VSIG1: variants seen among roughly 807,000 people sequenced by gnomAD.
The protein encoded by VSIG1 is V-set and immunoglobulin domain containing 1.
Under a neutral mutation model 20.1 loss-of-function variants are expected in VSIG1, and 11 were observed. The ratio of observed to expected loss-of-function variants is 0.55; its 90% CI spans 0.34 to 0.91. The LOEUF is 0.91. Ranked by LOEUF, VSIG1 falls within the 40% of genes least tolerant of loss-of-function variation. The pLI, the probability that VSIG1 is intolerant of heterozygous loss-of-function variation, is 0.02. For missense variants in VSIG1, 283 were observed against 298.8 expected (o/e 0.95, Z 0.39); for synonymous variants, 126 against 116.7 (o/e 1.08, Z -0.52).
the VSIG1 span, among the ~76,000 whole-genome samples, chrX:108,023,233 C>T: frequency 9.0e-6 from 1 of 111,371 alleles, no homozygotes; most frequent in Non-Finnish European, 1.9e-5. Context: ...ATCATGTGCC[C>T]CCTCTTTAGT....
At chrX:108,040,015 C>T (rs1305646442), upstream of VSIG1, among the ~76,000 whole-genome samples, 6 of 110,331 alleles carry the variant, frequency 5.4e-5, no homozygotes, top group African/African-American at 2.0e-4. Flanking sequence ...TCAGAAGCTG[C>T]AAAGAAAAAA....
the VSIG1 span, among the ~76,000 whole-genome samples, chrX:108,022,994 G>A: frequency 8.9e-6 from 1 of 112,158 alleles, no homozygotes. Flanking sequence ...ACCAGAAGTA[G>A]ATGATAGTGC....
At chrX:108,071,452 A>T (rs934746047) in intron 3 of VSIG1, among the ~76,000 whole-genome samples, 7 of 111,902 alleles carry the variant, frequency 6.3e-5, no homozygotes, top group Admixed American at 5.7e-4. Context: ...TGTAAGATAG[A>T]ATAAACCGTG....
chrX:108,069,542 G>A (rs1247098087), intron 3 of VSIG1, among the ~76,000 whole-genome samples: 2 of 111,340 alleles, frequency 1.8e-5, no homozygotes, highest in East Asian at 5.6e-4. Flanking sequence ...GGGACAGGTG[G>A]GTAAGAGAGA....
intron 3 of VSIG1, among the ~76,000 whole-genome samples, chrX:108,071,423 T>C (rs1325068853): frequency 8.9e-6 from 1 of 111,815 alleles, no homozygotes; most frequent in African/African-American, 3.2e-5. Context: ...ATATGATAGA[T>C]ATATAAATGT....
chrX:108,073,560 G>C, intron 5 of VSIG1, 191 bp downstream of exon 5: 1 of 460,038 alleles, frequency 2.2e-6, no homozygotes, highest in Non-Finnish European at 3.4e-6. Context: ...TATGCCATAT[G>C]CTGCCCTAAA....
chrX:108,047,799 T>TATATATATACATATATATATATAC (rs2030624375), intron 1 of VSIG1, among the ~76,000 whole-genome samples: 1 of 68,561 alleles, frequency 1.5e-5, no homozygotes, highest in Non-Finnish European at 2.6e-5. Flanking sequence ...TCTATATATA[T>TATATATATACATATATATATATAC]ATATATATAC....
chrX:108,019,896 A>G, the VSIG1 span, among the ~76,000 whole-genome samples: 1 of 111,219 alleles, frequency 9.0e-6, no homozygotes, highest in African/African-American at 3.3e-5. Flanking sequence ...TAGGAACCTG[A>G]AGCAGGAGCC....
At chrX:108,021,500 C>A in the VSIG1 span, among the ~76,000 whole-genome samples, 1 of 112,025 alleles carries the variant, frequency 8.9e-6, no homozygotes, top group Non-Finnish European at 1.9e-5. Context: ...TCTCCCATTC[C>A]TTTTGTTGTC....
rs1254894649 is a variant in VSIG1, at chrX:108,078,587, C to G, written c.*1206C>G. The G allele has an allele frequency of 8.9e-6, 1 of 111,943 alleles. No individual in the cohort carries two copies. The highest frequency in any genetic ancestry group is 1.9e-5 in the Non-Finnish European group (1 of 53,227). 9.2% of individuals were successfully genotyped at this position (111,943 alleles called of 1,213,427 possible). A position where few individuals can be genotyped will look rare whatever the true frequency, so the allele number is the denominator to read the frequency against. On this transcript the variant is annotated 3_prime_UTR_variant, in exon 7 of 7. Transcript: ENST00000217957. ...CCTGGGTGACAGAGTGAGATTCCAT[C>G]TGAAAAACAAAAACAAAAACAGAAA...
At position 108,046,053 on chromosome X, in the gene VSIG1, T is replaced by C. The variant is rs763753940; in HGVS notation, c.49+874T>C. 2.7e-5 allele frequency among the ~76,000 whole-genome samples: 3 copies of C among 111,532 alleles called. No homozygotes were observed. In the East Asian group the frequency reaches 8.4e-4, roughly 31 times the overall value. ...TGCCTAGAATAAATTACTAGAAGGT[T>C]ATATACCGAAGTGCTCATGGTGGTT... On this transcript the variant is annotated intron_variant, in intron 1 of 6. Coordinates refer to ENST00000217957, the MANE Select transcript of VSIG1 (RefSeq NM_182607.5).
At chrX:108,071,034 A>C (rs1042917592) in intron 3 of VSIG1, among the ~76,000 whole-genome samples, 72 of 111,554 alleles carry the variant, frequency 6.5e-4, no homozygotes, top group African/African-American at 2.1e-3. Context: ...GATCAGCCAG[A>C]GGTTAGATAA....
At chrX:108,042,892 A>C (rs908649003), upstream of VSIG1, among the ~76,000 whole-genome samples, 2 of 111,968 alleles carry the variant, frequency 1.8e-5, no homozygotes, top group African/African-American at 6.5e-5. Flanking sequence ...AACAGGTTGG[A>C]GAATGTTCAA....
chrX:108,072,799 G>A lies in VSIG1; in HGVS notation c.535G>A (p.Gly179Arg). 1 of 1,211,105 alleles carries A rather than the reference G, an allele frequency of 8.3e-7. No individual in the cohort carries two copies. The highest frequency in any genetic ancestry group is 1.1e-6 in the Non-Finnish European group (1 of 895,290). ...SPVYYWHKLE[G>R]RDIVPVKENF... is the part of the protein sequence containing the mutation. ...TGTGTACTACTGGCATAAACTTGAG[G>A]GAAGAGACATCGTGCCAGTGAAAGA... Residue 179 changes from glycine (G) to arginine (R), a missense_variant, in exon 4 of 7, where the codon GGA becomes AGA. By Grantham distance (125) the Gly-to-Arg change is moderately radical. Transcript: ENST00000217957.
In VSIG1 at chrX:108,073,341, T is replaced by C. The variant is rs1303057000; in HGVS notation, c.660T>C (p.Ser220=). 8.3e-7 allele frequency: 1 copy of C among 1,211,112 alleles called. No homozygotes were observed. Among genetic ancestry groups the C allele is most frequent in the Admixed American group, 2.2e-5 (1 of 46,018 alleles). ...QCTAINRLGN[S]SCEIDLTSSH... is the part of the protein sequence containing the mutation. ...CTGCCATCAACAGACTTGGCAATAG[T>C]TCCTGCGAAATCGATCTCACTTCTT... Residue 220 remains serine (S), a synonymous_variant, in exon 5 of 7, where the codon AGT becomes AGC. Transcript: ENST00000217957.
At chrX:108,029,873 A>G in the VSIG1 span, among the ~76,000 whole-genome samples, 1 of 111,611 alleles carries the variant, frequency 9.0e-6, no homozygotes, top group African/African-American at 3.3e-5. Context: ...AGGCCAGGAT[A>G]AAGTCAGATT....
At chrX:108,054,232 A>C (rs779235830) in intron 1 of VSIG1, among the ~76,000 whole-genome samples, 1 of 111,906 alleles carries the variant, frequency 8.9e-6, no homozygotes, top group African/African-American at 3.2e-5. Flanking sequence ...ATGATCCTTA[A>C]TGGGTACACA....
Position 108,076,076 on chromosome X carries a change from G to C in VSIG1, c.689-1G>C, listed in dbSNP as rs745492814. 2 of 1,210,682 alleles carry C rather than the reference G, an allele frequency of 1.7e-6. No homozygotes were observed. The highest frequency in any genetic ancestry group is 5.9e-5 in the East Asian group (2 of 33,838). ...ATTAACCAGCTGCTTGTATCCTTCAGATCCAGAAGTTGGAATCATTGTTGG... is the reference window on the plus strand; with the variant it reads ...ATTAACCAGCTGCTTGTATCCTTCACATCCAGAAGTTGGAATCATTGTTGG... On this transcript the variant is annotated splice_acceptor_variant, in intron 5 of 6. Coordinates refer to ENST00000217957, the MANE Select transcript of VSIG1 (RefSeq NM_182607.5). LOFTEE classifies it high-confidence loss of function.
At chrX:108,061,529 C>T (rs1257930168) in intron 2 of VSIG1, 7 of 1,160,413 alleles carry the variant, frequency 6.0e-6, no homozygotes, top group Non-Finnish European at 8.1e-6. Flanking sequence ...GTAGCTGGAC[C>T]TCTGAGGTAA....
Sources: gnomAD v4.1 joint callset for allele counts (sites outside exome capture counted in the v4.1 genomes callset) on GRCh38, gnomAD v4.1.1 for gene constraint, MANE v1.5 for transcripts, NCBI Gene and HGNC (gene_info 2026-07-23, HGNC 2026-07-21) for gene names.